Variants in UTP15 observed in about 807,000 individuals in gnomAD.
UTP15 encodes UTP15 small subunit processome component.
UTP15 carries 5 observed loss-of-function variants against 59.1 expected under a neutral mutation model. The ratio of observed to expected loss-of-function variants is 0.08; its 90% confidence interval spans 0.04 to 0.18. The LOEUF (loss-of-function observed/expected upper bound fraction) is 0.18. Among genes scored for constraint, UTP15 ranks in the 10% least tolerant of loss-of-function variants. The pLI, the probability that UTP15 is intolerant of heterozygous loss-of-function variation, is 1.00. For synonymous variants in UTP15, 211 were observed against 212.2 expected (o/e 0.99, Z 0.05); for missense variants, 494 against 616.7 (o/e 0.80, Z 2.11).
At position 73,580,014 on chromosome 5, in the gene UTP15, A is replaced by G. The variant is rs752202414; in HGVS notation, c.1477A>G (p.Thr493Ala). ...GGGGATGATGGATATGCTTTTTGCC[A>G]CCATGAGAAGGAAGGAAGGCACTTC... Reference protein sequence around the residue: ...TLGMMDMLFATMRRKEGTSVL... With the variant: ...TLGMMDMLFAAMRRKEGTSVL... Residue 493 changes from threonine to alanine, a missense_variant, in exon 13 of 13, where the codon ACC becomes GCC. Transcript: ENST00000296792. The G allele has an allele frequency of 5.0e-6, 8 of 1,613,918 alleles. No homozygotes were observed. In the Admixed American group the frequency reaches 6.7e-5, roughly 13 times the overall value.
At position 73,579,944 on chromosome 5, in the gene UTP15, T is replaced by C. The variant is rs763323692; in HGVS notation, c.1407T>C (p.Leu469=). ...VDKKFLLLQG[L]VEKEIDYQRE... is the part of the protein sequence containing the mutation. ...AAAAGTTTTTACTACTTCAAGGACT[T>C]GTAGAAAAAGAGATTGATTACCAAA... Residue 469 remains leucine (L), a synonymous_variant, in exon 13 of 13, where the codon CTT becomes CTC. Coordinates refer to ENST00000296792, the MANE Select transcript of UTP15 (RefSeq NM_032175.4). 2 of 1,613,710 alleles carry C rather than the reference T, an allele frequency of 1.2e-6. No homozygotes were observed. Among genetic ancestry groups the C allele is most frequent in the South Asian group, 2.2e-5 (2 of 91,076 alleles).
rs1242019871 is a variant in UTP15, at chr5:73,582,658, G to A, written c.*2564G>A. ...CCCACCTCAGCCTCCTTAATGACTG[G>A]GATTAAAGGCATGAGCCACTGCGCC... On this transcript the variant is annotated 3_prime_UTR_variant, in exon 13 of 13. Transcript: ENST00000296792. 6.6e-6 allele frequency: 1 copy of A among 152,140 alleles called. No individual in the cohort carries two copies. Among genetic ancestry groups the A allele is most frequent in the African/African-American group, 2.4e-5 (1 of 41,430 alleles). The allele number at this position is 152,140 out of a possible 1,614,324, so 9.4% of individuals were successfully genotyped here. A position where few individuals can be genotyped will look rare whatever the true frequency, so the allele number is the denominator to read the frequency against.
In UTP15 at chr5:73,583,354, A is replaced by G. The variant is rs1346753012; in HGVS notation, c.*3260A>G. Reference sequence around the variant, plus strand: ...AAACCTAAGTGCAAAGAAAATAAAGATTATCCTGCTTTAATAGTTCAGACT... The same window carrying G: ...AAACCTAAGTGCAAAGAAAATAAAGGTTATCCTGCTTTAATAGTTCAGACT... On this transcript the variant is annotated 3_prime_UTR_variant, in exon 13 of 13. Coordinates refer to ENST00000296792, the MANE Select transcript of UTP15 (RefSeq NM_032175.4). 1 of 152,240 alleles carries G rather than the reference A, an allele frequency of 6.6e-6. No homozygotes were observed. The highest frequency in any genetic ancestry group is 1.5e-5 in the Non-Finnish European group (1 of 68,062). 9.4% of individuals were successfully genotyped at this position (152,240 alleles called of 1,614,324 possible).
intron 12 of UTP15, 67 bp from the exon 13 acceptor site, chr5:73,579,809 AC>A: frequency 9.8e-7 from 1 of 1,019,044 alleles, no homozygotes. Flanking sequence ...ACTTTTAAAA[AC>A]TTTTGCTTTT....
chr5:73,579,672 A>G (rs954680442), intron 12 of UTP15, among the ~76,000 whole-genome samples: 1 of 152,136 alleles, frequency 6.6e-6, no homozygotes, highest in African/African-American at 2.4e-5. Flanking sequence ...ACTCCACCCT[A>G]TACTTTCTGT....
At chr5:73,570,511 A>G in intron 5 of UTP15, 75 bp from the exon 6 acceptor site, 1 of 1,475,062 alleles carries the variant, frequency 6.8e-7, no homozygotes, top group African/African-American at 1.4e-5. Context: ...TTTCCTTTTA[A>G]AATTTATATC....
intron 4 of UTP15, 61 bp from the exon 5 acceptor site, chr5:73,569,436 T>A: frequency 8.4e-6 from 11 of 1,308,196 alleles, no homozygotes; most frequent in Non-Finnish European, 1.1e-5. Flanking sequence ...GCATTTTATG[T>A]TAGAAGGTAT....
At chr5:73,578,940 C>T in intron 10 of UTP15, 77 bp from the exon 11 acceptor site, 5 of 1,577,130 alleles carry the variant, frequency 3.2e-6, no homozygotes, top group Non-Finnish European at 3.5e-6. Flanking sequence ...ATTATTCAAA[C>T]TTGATAATTT....
chr5:73,573,436 C>A (rs372871778), intron 7 of UTP15, among the ~76,000 whole-genome samples: 1 of 151,528 alleles, frequency 6.6e-6, no homozygotes, highest in Non-Finnish European at 1.5e-5. Flanking sequence ...TTAGTAGAGA[C>A]GGGGTTTCGC....
intron 6 of UTP15, among the ~76,000 whole-genome samples, chr5:73,571,855 A>G (rs552103392): frequency 6.6e-6 from 1 of 152,376 alleles, no homozygotes; most frequent in East Asian, 1.9e-4. Context: ...TGGAAAAAAT[A>G]TCATGTTGAA....
Position 73,568,307 on chromosome 5 carries a change from G to A in UTP15, c.163G>A (p.Ala55Thr), listed in dbSNP as rs1747840203. ...DFSPQPPYNY[A>T]VTASSRIHIY... Reference sequence around the variant, plus strand: ...TTCTCCTCAGCCTCCATATAATTATGCTGTCACAGCTTCCTCAAGAGTAAG... The same window carrying A: ...TTCTCCTCAGCCTCCATATAATTATACTGTCACAGCTTCCTCAAGAGTAAG... Residue 55 changes from alanine to threonine, a missense_variant, in exon 3 of 13, where the codon GCT (alanine) becomes ACT (threonine). Transcript: ENST00000296792. 1 of 1,609,012 alleles carries A rather than the reference G, an allele frequency of 6.2e-7. No homozygotes were observed. Among genetic ancestry groups the A allele is most frequent in the African/African-American group, 1.3e-5 (1 of 74,606 alleles).
Position 73,567,314 on chromosome 5 carries a change from C to A in UTP15, c.-31C>A. 6.7e-7 allele frequency: 1 copy of A among 1,498,282 alleles called. No homozygotes were observed. Among genetic ancestry groups the A allele is most frequent in the Non-Finnish European group, 9.1e-7 (1 of 1,096,882 alleles). 92.8% of individuals were successfully genotyped at this position (1,498,282 alleles called of 1,614,324 possible). ...TCTAATACCAATTCCAAAATAGTGACTCTTGGACAATAGTGCAATTATATG... is the reference window on the plus strand; with the variant it reads ...TCTAATACCAATTCCAAAATAGTGAATCTTGGACAATAGTGCAATTATATG... On this transcript the variant is annotated 5_prime_UTR_variant, in exon 2 of 13. Coordinates refer to ENST00000296792, the MANE Select transcript of UTP15 (RefSeq NM_032175.4).
intron 9 of UTP15, 152 bp downstream of exon 9, chr5:73,578,157 C>T: frequency 2.8e-6 from 2 of 718,556 alleles, no homozygotes; most frequent in Non-Finnish European, 4.4e-6. Context: ...AGATTGGGGA[C>T]ATTATTGATG....
intron 2 of UTP15, chr5:73,567,761 C>T (rs1174762404): frequency 5.2e-6 from 1 of 193,984 alleles, no homozygotes; most frequent in Non-Finnish European, 1.0e-5. Context: ...CTTGAAAAAC[C>T]CATGTCTATT....
At chr5:73,577,764 A>C in intron 8 of UTP15, 92 bp from the exon 9 acceptor site, 1 of 1,100,558 alleles carries the variant, frequency 9.1e-7, no homozygotes, top group Non-Finnish European at 1.3e-6. Context: ...TGTATGGACA[A>C]GCAGCAAACA....
intron 7 of UTP15, 78 bp downstream of exon 7, chr5:73,572,702 A>G (rs954710993): frequency 7.1e-7 from 1 of 1,400,154 alleles, no homozygotes; most frequent in East Asian, 2.3e-5. Flanking sequence ...TATTTCAGCA[A>G]TATTTGTGAT....
At chr5:73,576,355 C>T (rs1220623) in intron 7 of UTP15, among the ~76,000 whole-genome samples, 28,301 of 152,020 alleles carry the variant, frequency 0.19, 2,946 homozygotes, top group Non-Finnish European at 0.23. Context: ...ATCTGCCCAC[C>T]TTGGCCTCCC....
chr5:73,567,588 T>C, intron 2 of UTP15, 154 bp downstream of exon 2: 1 of 514,004 alleles, frequency 1.9e-6, no homozygotes, highest in South Asian at 3.8e-5. Flanking sequence ...ATCTATTTTT[T>C]CTTGGAATTT....
In UTP15 at chr5:73,572,581, C is replaced by T; in HGVS notation, c.766C>T (p.Leu256=). The T allele has an allele frequency of 3.1e-6, 5 of 1,614,122 alleles. No homozygotes were observed. Among genetic ancestry groups the T allele is most frequent in the Non-Finnish European group, 4.2e-6 (5 of 1,180,022 alleles). Residue 256 remains leucine, a synonymous_variant, in exon 7 of 13, where the codon CTA becomes TTA. Coordinates refer to ENST00000296792, the MANE Select transcript of UTP15 (RefSeq NM_032175.4). ...NHHKTVTCLC[L]SSSGQRLLSG... ...TCACAAAACCGTGACATGTTTATGT[C>T]TAAGCAGCTCTGGACAGAGGTTACT...
Sources: gnomAD v4.1 joint callset for allele counts (sites outside exome capture counted in the v4.1 genomes callset) on GRCh38, gnomAD v4.1.1 for gene constraint, MANE v1.5 for transcripts, NCBI Gene and HGNC (gene_info 2026-07-23, HGNC 2026-07-21) for gene names.